TNRC6A: variants seen among roughly 807,000 people sequenced by gnomAD.
TNRC6A encodes the protein trinucleotide repeat containing adaptor 6A, also known as trinucleotide repeat-containing gene 6A protein.
In TNRC6A, 44 loss-of-function variants were observed where a neutral mutation model predicts 221.2. The observed-to-expected ratio is 0.20, with a 90% CI of 0.16 to 0.26. TNRC6A has a LOEUF of 0.26. Ranked by LOEUF, TNRC6A falls within the 10% of genes least tolerant of loss-of-function variation. TNRC6A has a pLI of 1.00. For missense variants in TNRC6A, 2,199 were observed against 2,404.4 expected (o/e 0.91, Z 1.79); for synonymous variants, 847 against 838.5 (o/e 1.01, Z -0.18).
At chr16:24,709,270 AT>A (rs1428885580) in intron 2 of TNRC6A, among the ~76,000 whole-genome samples, 1 of 148,794 alleles carries the variant, frequency 6.7e-6, no homozygotes, top group Non-Finnish European at 1.5e-5. Context: ...AAAAAAAAAA[AT>A]GTTTGGGTGT....
intron 17 of TNRC6A, among the ~76,000 whole-genome samples, chr16:24,807,162 C>G (rs900160873): frequency 4.6e-5 from 7 of 152,020 alleles, no homozygotes; most frequent in African/African-American, 1.2e-4. Context: ...CGCACCACCA[C>G]GCCCAGCTAA....
At chr16:24,672,046 G>A (rs2055313787) in intron 2 of TNRC6A, among the ~76,000 whole-genome samples, 2 of 152,180 alleles carry the variant, frequency 1.3e-5, no homozygotes, top group African/African-American at 4.8e-5. Flanking sequence ...ATTGTGTTAG[G>A]AAATCATTTT....
rs1378313417 is a variant in TNRC6A, at chr16:24,729,727, G to C, written c.-115G>C. 5 of 1,160,234 alleles carry C rather than the reference G, an allele frequency of 4.3e-6. No homozygotes were observed. Among genetic ancestry groups the C allele is most frequent in the South Asian group, 5.2e-5 (2 of 38,526 alleles). The allele number at this position is 1,160,234 out of a possible 1,614,324, so 71.9% of individuals were successfully genotyped here. ...GCGGCGGCGGCGGCGGCAGCGGGTC[G>C]GTGTAGAAAATGGCGCTGGTGCAGC... is the stretch of plus-strand genomic sequence containing the variant. On this transcript the variant is annotated 5_prime_UTR_variant, in exon 1 of 25. Transcript: ENST00000395799.
intron 2 of TNRC6A, among the ~76,000 whole-genome samples, chr16:24,693,947 G>A (rs2055806662): frequency 6.6e-6 from 1 of 152,056 alleles, no homozygotes. Flanking sequence ...GAAAGCAGAA[G>A]TAACTCCGAA....
intron 5 of TNRC6A, among the ~76,000 whole-genome samples, chr16:24,787,235 G>A (rs1215203732): frequency 6.6e-6 from 1 of 152,118 alleles, no homozygotes; most frequent in Non-Finnish European, 1.5e-5. Context: ...TTTATCTTCT[G>A]GTTTTGCAGA....
intron 18 of TNRC6A, 165 bp downstream of exon 18, chr16:24,809,646 A>G: frequency 1.3e-6 from 1 of 795,820 alleles, no homozygotes; most frequent in Non-Finnish European, 1.7e-6. Context: ...ACAATAAGAG[A>G]CTTTCAGATG....
chr16:24,719,250 G>C (rs2056369246), intron 2 of TNRC6A, among the ~76,000 whole-genome samples: 1 of 152,198 alleles, frequency 6.6e-6, no homozygotes, highest in African/African-American at 2.4e-5. Context: ...GCCAGGGGCA[G>C]TGGCAGACAC....
chr16:24,616,090 A>G (rs1451325769), intron 1 of TNRC6A, among the ~76,000 whole-genome samples: 1 of 151,950 alleles, frequency 6.6e-6, no homozygotes, highest in Non-Finnish European at 1.5e-5. Flanking sequence ...TACTCAGTAG[A>G]CTGAGATGGG....
intron 18 of TNRC6A, among the ~76,000 whole-genome samples, chr16:24,813,550 A>G (rs895250978): frequency 4.6e-5 from 7 of 152,200 alleles, no homozygotes; most frequent in Non-Finnish European, 1.0e-4. Flanking sequence ...TTGAGGATGA[A>G]TGAGACGATG....
intron 2 of TNRC6A, among the ~76,000 whole-genome samples, chr16:24,681,439 G>T (rs1293955683): frequency 6.6e-6 from 1 of 152,020 alleles, no homozygotes; most frequent in Non-Finnish European, 1.5e-5. Flanking sequence ...TGTTGGCCAG[G>T]CTAGTCTCAA....
chr16:24,759,609 C>T (rs1244232013), intron 4 of TNRC6A, among the ~76,000 whole-genome samples: 2 of 152,172 alleles, frequency 1.3e-5, no homozygotes, highest in Non-Finnish European at 2.9e-5. Flanking sequence ...CACAGGGCTT[C>T]ATGCTGGTTA....
chr16:24,650,811 C>T (rs910197726), intron 2 of TNRC6A, among the ~76,000 whole-genome samples: 1 of 152,126 alleles, frequency 6.6e-6, no homozygotes, highest in African/African-American at 2.4e-5. Flanking sequence ...TTATGTGATG[C>T]ACTTAGGAGA....
chr16:24,795,694 G>A (rs1425121315), intron 8 of TNRC6A: 2 of 437,774 alleles, frequency 4.6e-6, no homozygotes, highest in Non-Finnish European at 8.2e-6. Flanking sequence ...AGCTTATGAA[G>A]TGCTTTTACA....
rs146629424 is a variant in TNRC6A, at chr16:24,743,376, CA to C, written c.54-7349del. On this transcript the variant is annotated intron_variant, in intron 2 of 24. Coordinates refer to ENST00000395799, the MANE Select transcript of TNRC6A (RefSeq NM_014494.4). ...TTACTCTGTCACCCAGGCTGGAGTG[CA>C]GTGTGGAATGATCTTAGCTCACTGT... Among the ~76,000 whole-genome samples the C allele has an allele frequency of 8.2e-3, 1,247 of 152,200 alleles. 10 individuals carry two copies. Among genetic ancestry groups the C allele is most frequent in the Middle Eastern group, 0.041 (12 of 294 alleles).
At chr16:24,748,096 G>C (rs1161431056) in intron 2 of TNRC6A, among the ~76,000 whole-genome samples, 1 of 152,114 alleles carries the variant, frequency 6.6e-6, no homozygotes, top group Non-Finnish European at 1.5e-5. Context: ...TGGATTCATG[G>C]CTAGGCAATT....
chr16:24,797,586 TAGC>T lies in TNRC6A; in HGVS notation c.3642+20_3642+22del, dbSNP rs1347239261. On this transcript the variant is annotated intron_variant, in intron 10 of 24. Transcript: ENST00000395799. ...CAGTTTTTCGGTAAGTATGTTTTCT[TAGC>T]AGCTCCTTCCTCTTTTAATGGTGGT... 6.4e-6 allele frequency: 10 copies of T among 1,567,084 alleles called. No individual in the cohort carries two copies. The highest frequency in any genetic ancestry group is 2.7e-5 in the African/African-American group (2 of 73,594).
At chr16:24,812,596 T>G (rs2058569307) in intron 18 of TNRC6A, among the ~76,000 whole-genome samples, 1 of 152,158 alleles carries the variant, frequency 6.6e-6, no homozygotes, top group African/African-American at 2.4e-5. Context: ...AGATACACCC[T>G]TCTGTTACAG....
intron 11 of TNRC6A, 128 bp downstream of exon 11, chr16:24,798,094 T>C (rs182966146): frequency 1.9e-4 from 127 of 685,952 alleles, no homozygotes; most frequent in Non-Finnish European, 2.7e-4. Context: ...GACGTACACA[T>C]GCTGTGGTTA....
At chr16:24,671,134 C>T (rs748719327) in intron 2 of TNRC6A, 1 of 228,084 alleles carries the variant, frequency 4.4e-6, no homozygotes, top group Non-Finnish European at 9.7e-6. Flanking sequence ...ACGAAGCACC[C>T]GCCTGCTCCC....
Sources: gnomAD v4.1 joint callset for allele counts (sites outside exome capture counted in the v4.1 genomes callset) on GRCh38, gnomAD v4.1.1 for gene constraint, MANE v1.5 for transcripts, NCBI Gene and HGNC (gene_info 2026-07-23, HGNC 2026-07-21) for gene names.